Variants in PMEPA1 observed in about 807,000 individuals in gnomAD.
The protein encoded by PMEPA1 is prostate transmembrane protein, androgen induced 1, also known as protein TMEPAI.
Under a neutral mutation model 23.0 loss-of-function variants are expected in PMEPA1, and 11 were observed. The ratio of observed to expected loss-of-function variants is 0.48; its 90% CI spans 0.30 to 0.79. The LOEUF (loss-of-function observed/expected upper bound fraction) is 0.79, where lower values mean the gene tolerates loss of function less well. PMEPA1 is among the 30% of genes least tolerant of loss of function. The pLI, the probability that PMEPA1 is intolerant of heterozygous loss-of-function variation, is 0.06. For missense variants in PMEPA1, 377 were observed against 390.9 expected, an observed-to-expected ratio of 0.96 and a Z score of 0.30; for synonymous variants, 204 against 166.4, an observed-to-expected ratio of 1.23 and a Z score of -1.74.
At chr20:57,689,923 C>T (rs1461328254) in intron 1 of PMEPA1, among the ~76,000 whole-genome samples, 1 of 152,254 alleles carries the variant, frequency 6.6e-6, no homozygotes, top group Admixed American at 6.5e-5. Context: ...TGACGTGGGT[C>T]CCAGGGGCCA....
At chr20:57,690,266 G>T (rs1469377587) in intron 1 of PMEPA1, 3 of 475,320 alleles carry the variant, frequency 6.3e-6, no homozygotes, top group Non-Finnish European at 1.3e-5. Context: ...CTGGGCAGCG[G>T]CTTGGGGCAC....
At chr20:57,659,393 G>A (rs1015789462) in intron 2 of PMEPA1, 150 bp downstream of exon 2, 7 of 769,476 alleles carry the variant, frequency 9.1e-6, no homozygotes, top group Middle Eastern at 3.8e-4. Context: ...TTCAGGGGAG[G>A]AAGCTGCTGT....
intron 1 of PMEPA1, chr20:57,700,096 G>C (rs895162312): frequency 2.1e-6 from 1 of 471,152 alleles, no homozygotes; most frequent in African/African-American, 2.0e-5. Context: ...GCCAGTGATG[G>C]AACTGGCCCC....
intron 1 of PMEPA1, among the ~76,000 whole-genome samples, chr20:57,676,115 G>A (rs1318032378): frequency 6.6e-6 from 1 of 152,258 alleles, no homozygotes; most frequent in Non-Finnish European, 1.5e-5. Flanking sequence ...GCTTCCGGAG[G>A]TGTCTTTTCT....
chr20:57,670,933 C>G (rs887005735), intron 1 of PMEPA1, among the ~76,000 whole-genome samples: 3 of 152,094 alleles, frequency 2.0e-5, no homozygotes, highest in Non-Finnish European at 4.4e-5. Context: ...ACCAGTGTCC[C>G]GAGTCATCAC....
intron 1 of PMEPA1, among the ~76,000 whole-genome samples, chr20:57,689,476 A>T (rs2071847266): frequency 6.6e-6 from 1 of 151,912 alleles, no homozygotes; most frequent in African/African-American, 2.4e-5. Flanking sequence ...AACAGACACC[A>T]CCCCGTTCCT....
Position 57,652,541 on chromosome 20 carries a change from G to A in PMEPA1, c.376C>T (p.Gln126Ter). 1 of 1,544,912 alleles carries A rather than the reference G, an allele frequency of 6.5e-7. No homozygotes were observed. The highest frequency in any genetic ancestry group is 8.7e-7 in the Non-Finnish European group (1 of 1,144,920). Reference sequence around the variant, plus strand: ...TGGAAGCGGTGGAAGCGCTCCCGCTGGGCGAAGGGCGGCACGGCCAGGCGG... The same window carrying A: ...TGGAAGCGGTGGAAGCGCTCCCGCTAGGCGAAGGGCGGCACGGCCAGGCGG... The part of the protein sequence containing the change: ...TDRLAVPPFA[Q>*]RERFHRFQPT... The change falls in exon 4 of 4, where the codon CAG becomes TAG. Residue 126 changes from glutamine to a stop codon, truncating the protein, a stop_gained. Transcript: ENST00000341744. LOFTEE classifies it high-confidence loss of function. The surrounding 1 kb of genome is among the most constrained non-coding windows in gnomAD (Gnocchi z 6.1).
At chr20:57,710,089 G>T (rs1232541643), upstream of PMEPA1, 2 of 953,934 alleles carry the variant, frequency 2.1e-6, no homozygotes, top group Non-Finnish European at 1.3e-6. Context: ...GCCAATCCCC[G>T]CCGAGGTTCC....
intron 1 of PMEPA1, among the ~76,000 whole-genome samples, chr20:57,663,376 G>A (rs555544746): frequency 1.1e-4 from 16 of 152,216 alleles, no homozygotes; most frequent in Middle Eastern, 3.4e-3. Flanking sequence ...TGGCTCTTGG[G>A]GGCCCTCTCT....
At chr20:57,671,714 G>A (rs1472459379) in intron 1 of PMEPA1, among the ~76,000 whole-genome samples, 1 of 152,200 alleles carries the variant, frequency 6.6e-6, no homozygotes, top group Non-Finnish European at 1.5e-5. Flanking sequence ...GCTGAGCTCT[G>A]AGCAGGGGAA....
chr20:57,685,505 G>A (rs1223754251), intron 1 of PMEPA1, among the ~76,000 whole-genome samples: 1 of 152,184 alleles, frequency 6.6e-6, no homozygotes, highest in Non-Finnish European at 1.5e-5. Flanking sequence ...ATTTAAAGAT[G>A]CAGTATTGCT....
At chr20:57,686,498 C>T (rs1399099039) in intron 1 of PMEPA1, among the ~76,000 whole-genome samples, 1 of 152,202 alleles carries the variant, frequency 6.6e-6, no homozygotes, top group Non-Finnish European at 1.5e-5. Context: ...CACCTTCAGG[C>T]TGTGTGGTCC....
chr20:57,671,197 C>T (rs931073147), intron 1 of PMEPA1, among the ~76,000 whole-genome samples: 4 of 152,184 alleles, frequency 2.6e-5, no homozygotes, highest in African/African-American at 9.6e-5. Context: ...CCACTGTCAG[C>T]AAAATATCAG....
intron 1 of PMEPA1, among the ~76,000 whole-genome samples, chr20:57,694,024 C>T (rs1489766674): frequency 6.6e-6 from 1 of 152,236 alleles, no homozygotes; most frequent in Non-Finnish European, 1.5e-5. Context: ...CACCTCCCAG[C>T]CCTGCAGCAG....
At chr20:57,689,985 C>A (rs1395926102) in intron 1 of PMEPA1, among the ~76,000 whole-genome samples, 6 of 152,244 alleles carry the variant, frequency 3.9e-5, no homozygotes, top group Admixed American at 3.9e-4. Context: ...TTACTGTGTG[C>A]GAGGCATTTG....
At chr20:57,663,943 G>A (rs2071457800) in intron 1 of PMEPA1, among the ~76,000 whole-genome samples, 1 of 152,210 alleles carries the variant, frequency 6.6e-6, no homozygotes, top group Non-Finnish European at 1.5e-5. Flanking sequence ...CAGCATTGGG[G>A]CCCACAAACA....
chr20:57,702,131 C>T (rs1568686997), intron 1 of PMEPA1, among the ~76,000 whole-genome samples: 3 of 152,132 alleles, frequency 2.0e-5, no homozygotes, highest in Non-Finnish European at 2.9e-5. Flanking sequence ...GGCAGCAGCT[C>T]GTAGAGGGCA....
At chr20:57,667,737 C>T (rs939803231) in intron 1 of PMEPA1, among the ~76,000 whole-genome samples, 1 of 152,190 alleles carries the variant, frequency 6.6e-6, no homozygotes, top group East Asian at 1.9e-4. Flanking sequence ...ACCCGCCTGG[C>T]GGGGCCTCAT....
At chr20:57,659,822 C>A (rs1167974811) in intron 1 of PMEPA1, 125 bp from the exon 2 acceptor site, 8 of 845,778 alleles carry the variant, frequency 9.5e-6, no homozygotes, top group Non-Finnish European at 1.5e-5. Flanking sequence ...CTCAGGAAAG[C>A]CCCCGCCACT....
Sources: allele counts gnomAD v4.1 joint callset (sites outside exome capture counted in the v4.1 genomes callset), GRCh38; gene constraint gnomAD v4.1.1; non-coding constraint Gnocchi (gnomAD v3.1); transcripts MANE v1.5; gene names NCBI Gene and HGNC (gene_info 2026-07-23, HGNC 2026-07-21).